Variants in GPAT3 observed in about 807,000 individuals in gnomAD.
GPAT3 encodes glycerol-3-phosphate acyltransferase 3, also known as 1-AGP acyltransferase 9.
In GPAT3, 53 loss-of-function variants were observed where a neutral mutation model predicts 58.8. That is an observed-to-expected ratio of 0.90 (90% CI 0.72 to 1.13). GPAT3 has a LOEUF of 1.13. Ranked by LOEUF, GPAT3 falls within the 50% of genes most tolerant of loss-of-function variation. The pLI is 0.00. For missense variants in GPAT3, 511 were observed against 527.6 expected (o/e 0.97, Z 0.31); for synonymous variants, 197 against 187.4 (o/e 1.05, Z -0.42).
intron 9 of GPAT3, 128 bp downstream of exon 9, chr4:83,597,643 C>G: frequency 1.6e-6 from 1 of 614,468 alleles, no homozygotes; most frequent in East Asian, 3.1e-5. Context: ...TGCACCAGTC[C>G]TCTGCACTTT....
chr4:83,546,934 G>T (rs1428839610), intron 2 of GPAT3, among the ~76,000 whole-genome samples: 1 of 152,110 alleles, frequency 6.6e-6, no homozygotes, highest in Non-Finnish European at 1.5e-5. Context: ...TAAGTAAGGG[G>T]TGTGTGCCCT....
rs147296745 is a variant in GPAT3, at chr4:83,581,632, G to C, written c.279G>C (p.Leu93=). ...LSGLRGRDFE[L]SDVFYFSKKG... ...GTCTACGAGGAAGGGACTTTGAGCT[G>C]TCTGACGTGTTTTATTTCTCCAAGA... The change falls in exon 3 of 12, where the codon CTG becomes CTC. Residue 93 remains leucine, a synonymous_variant. Transcript: ENST00000264409. 40 of 1,614,172 alleles carry C rather than the reference G, an allele frequency of 2.5e-5. No homozygotes were observed. In the South Asian group the frequency reaches 4.3e-4, roughly 17 times the overall value.
At chr4:83,580,920 C>T (rs1420666886) in intron 2 of GPAT3, among the ~76,000 whole-genome samples, 1 of 151,780 alleles carries the variant, frequency 6.6e-6, no homozygotes, top group Non-Finnish European at 1.5e-5. Flanking sequence ...CATGGTGAAA[C>T]CCTGTCTCTA....
chr4:83,595,831 C>T (rs1311490620), intron 7 of GPAT3, among the ~76,000 whole-genome samples: 1 of 152,170 alleles, frequency 6.6e-6, no homozygotes, highest in Non-Finnish European at 1.5e-5. Flanking sequence ...GGCCCGAGGC[C>T]TTTAACTGGA....
intron 2 of GPAT3, among the ~76,000 whole-genome samples, chr4:83,559,173 T>C (rs185064704): frequency 1.2e-4 from 19 of 152,354 alleles, no homozygotes; most frequent in African/African-American, 4.6e-4. Flanking sequence ...TTTCATTTTC[T>C]TAACAGTGCC....
At chr4:83,583,667 G>GAAGAAAAAAAAAAA in intron 3 of GPAT3, among the ~76,000 whole-genome samples, 1 of 23,462 alleles carries the variant, frequency 4.3e-5, no homozygotes, top group Non-Finnish European at 7.2e-5. Context: ...ACTCTTGTCT[G>GAAGAAAAAAAAAAA]AAAAAAAAAA....
chr4:83,564,143 A>C (rs1394288329), intron 2 of GPAT3, among the ~76,000 whole-genome samples: 3 of 152,186 alleles, frequency 2.0e-5, no homozygotes, highest in Non-Finnish European at 4.4e-5. Context: ...AGTTCCCACT[A>C]GGAGTGTATG....
intron 6 of GPAT3, among the ~76,000 whole-genome samples, 177 bp from the exon 7 acceptor site, chr4:83,594,668 A>C (rs1726743161): frequency 6.6e-6 from 1 of 152,226 alleles, no homozygotes; most frequent in Admixed American, 6.5e-5. Context: ...GGTGCTACTA[A>C]AGAATACCTT....
rs987039822 is a variant in GPAT3 at position 83,544,668 on chromosome 4, T to G, written c.208+66T>G. ...TTGGGTGGATGTAAACCTACCCAAT[T>G]TGAACTTGAAATATGCAGAGAGCAG... On this transcript the variant is annotated intron_variant, in intron 2 of 11. Transcript: ENST00000264409. 2.4e-5 allele frequency: 35 copies of G among 1,458,066 alleles called. No individual in the cohort carries two copies. The East Asian group carries it at 5.2e-4, about 22-fold the overall frequency. The allele number at this position is 1,458,066 out of a possible 1,614,324, so 90.3% of individuals were successfully genotyped here. A position where few individuals can be genotyped will look rare whatever the true frequency, so the allele number is the denominator to read the frequency against.
intron 1 of GPAT3, among the ~76,000 whole-genome samples, chr4:83,537,176 G>A (rs1478254034): frequency 6.6e-6 from 1 of 152,166 alleles, no homozygotes; most frequent in South Asian, 2.1e-4. Context: ...GTGTACTAAG[G>A]CATCCAGTTC....
intron 6 of GPAT3, among the ~76,000 whole-genome samples, chr4:83,590,885 CTTTTTTT>C (rs5859882): frequency 5.2e-5 from 6 of 114,314 alleles, no homozygotes; most frequent in Non-Finnish European, 1.1e-4. Flanking sequence ...GAATCATATT[CTTTTTTT>C]TTTTTTTTTT....
intron 1 of GPAT3, among the ~76,000 whole-genome samples, chr4:83,543,930 T>TCCC: frequency 6.6e-6 from 1 of 152,306 alleles, no homozygotes; most frequent in Admixed American, 6.5e-5. Flanking sequence ...CATGAGCCAA[T>TCCC]CGTGCCTTAG....
intron 2 of GPAT3, among the ~76,000 whole-genome samples, chr4:83,558,212 T>TC (rs200259459): frequency 6.2e-4 from 93 of 149,176 alleles, no homozygotes; most frequent in East Asian, 3.7e-3. Flanking sequence ...AGCCTCTGTC[T>TC]TAAAAAAAAA....
At chr4:83,579,157 T>G (rs113727382) in intron 2 of GPAT3, among the ~76,000 whole-genome samples, 1 of 132,360 alleles carries the variant, frequency 7.6e-6, no homozygotes, top group Non-Finnish European at 1.6e-5. Flanking sequence ...CTCTCTCTCT[T>G]TCTCTCTTTC....
intron 2 of GPAT3, among the ~76,000 whole-genome samples, chr4:83,578,974 T>TTCTTTCTTTCTC (rs1725943795): frequency 7.5e-6 from 1 of 133,014 alleles, no homozygotes; most frequent in Non-Finnish European, 1.6e-5. Context: ...CTTTCTTTCT[T>TTCTTTCTTTCTC]TCTTTCTTTC....
chr4:83,547,850 TC>T (rs1724601740), intron 2 of GPAT3, among the ~76,000 whole-genome samples: 1 of 135,262 alleles, frequency 7.4e-6, no homozygotes. Context: ...CTCTTCTTCT[TC>T]CCTTTTTTTT....
At chr4:83,591,206 T>G (rs1281576349) in intron 6 of GPAT3, among the ~76,000 whole-genome samples, 2 of 152,164 alleles carry the variant, frequency 1.3e-5, no homozygotes, top group Non-Finnish European at 2.9e-5. Context: ...CATTTTTGAT[T>G]AAATGTCGCT....
In GPAT3 at chr4:83,588,067, T is replaced by C; in HGVS notation, c.555-143T>C. On this transcript the variant is annotated intron_variant, in intron 4 of 11. Coordinates refer to ENST00000264409, the MANE Select transcript of GPAT3 (RefSeq NM_032717.5). ...TGCCAATGAGACTATAACAATTGAC[T>C]ATAAGACTATAAGAATTGAACTGTA... The C allele has an allele frequency of 4.7e-6, 3 of 640,062 alleles. No homozygotes were observed. The Admixed American group carries it at 9.0e-5, about 19-fold the overall frequency. 39.6% of individuals were successfully genotyped at this position (640,062 alleles called of 1,614,324 possible). A position where few individuals can be genotyped will look rare whatever the true frequency, so the allele number is the denominator to read the frequency against.
At position 83,596,164 on chromosome 4, in the gene GPAT3, G is replaced by A. The variant is rs150811789; in HGVS notation, c.855-694G>A. On this transcript the variant is annotated intron_variant, in intron 7 of 11. Transcript: ENST00000264409. The stretch of plus-strand genomic sequence containing the variant: ...TTGTCTTGTACTTAATGGCCATAAT[G>A]CAGGTAGGTCCAGCAACCCAATATT... 3.3e-5 allele frequency among the ~76,000 whole-genome samples: 5 copies of A among 152,290 alleles called. No individual in the cohort carries two copies. In the East Asian group the frequency reaches 9.7e-4, roughly 29 times the overall value.
Sources: allele counts gnomAD v4.1 joint callset (sites outside exome capture counted in the v4.1 genomes callset), GRCh38; gene constraint gnomAD v4.1.1; transcripts MANE v1.5; gene names NCBI Gene and HGNC (gene_info 2026-07-23, HGNC 2026-07-21).